Variants in EYS observed in about 807,000 individuals in gnomAD.
EYS encodes protein eyes shut homolog.
A neutral mutation model predicts 282.1 loss-of-function variants in EYS; 250 were observed. That is an observed-to-expected ratio of 0.89 (90% CI 0.80 to 0.98). EYS has a LOEUF of 0.98. EYS is among the 50% of genes least tolerant of loss of function. The pLI, the probability that EYS is intolerant of heterozygous loss-of-function variation, is 0.00. For synonymous variants in EYS, 1,355 were observed against 1,282.9 expected, an observed-to-expected ratio of 1.06 and a Z score of -1.20; for missense variants, 4,016 against 3,709.0, an observed-to-expected ratio of 1.08 and a Z score of -2.15.
At chr6:64,167,905 A>G (rs771491972) in intron 31 of EYS, among the ~76,000 whole-genome samples, 1 of 152,130 alleles carries the variant, frequency 6.6e-6, no homozygotes, top group Non-Finnish European at 1.5e-5. Flanking sequence ...ATCATTTGTC[A>G]TTAGAAAAAA....
intron 26 of EYS, among the ~76,000 whole-genome samples, chr6:64,455,693 G>A (rs970208473): frequency 6.6e-6 from 1 of 152,110 alleles, no homozygotes; most frequent in Non-Finnish European, 1.5e-5. Context: ...TTATGAGTGA[G>A]AACATGTGGT....
intron 19 of EYS, among the ~76,000 whole-genome samples, chr6:64,856,941 C>A (rs1192923471): frequency 6.6e-6 from 1 of 152,036 alleles, no homozygotes; most frequent in African/African-American, 2.4e-5. Context: ...ATCTATAATT[C>A]TTTATGAGTT....
intron 12 of EYS, among the ~76,000 whole-genome samples, chr6:65,068,412 T>A: frequency 6.6e-6 from 1 of 152,076 alleles, no homozygotes; most frequent in Non-Finnish European, 1.5e-5. Context: ...TTGTTGCCCA[T>A]TCTCAATTTC....
chr6:64,561,962 A>AACAAAACT (rs1330788212), intron 26 of EYS, among the ~76,000 whole-genome samples: 2 of 151,650 alleles, frequency 1.3e-5, no homozygotes, highest in African/African-American at 2.4e-5. Flanking sequence ...AAGCAAAAAG[A>AACAAAACT]ACAAAACTGG....
intron 13 of EYS, among the ~76,000 whole-genome samples, chr6:65,018,431 T>G (rs1484419808): frequency 6.6e-6 from 1 of 152,216 alleles, no homozygotes; most frequent in Admixed American, 6.5e-5. Context: ...AATATTTGTC[T>G]GTGTCTAAGT....
chr6:64,472,019 T>C (rs1016604659), intron 26 of EYS, among the ~76,000 whole-genome samples: 3 of 152,208 alleles, frequency 2.0e-5, no homozygotes, highest in Non-Finnish European at 4.4e-5. Context: ...AATACTTTCA[T>C]TTGATCATTA....
chr6:64,356,951 A>C (rs1249178641), intron 29 of EYS, among the ~76,000 whole-genome samples: 1 of 151,574 alleles, frequency 6.6e-6, no homozygotes, highest in Non-Finnish European at 1.5e-5. Context: ...TTCTAAATCC[A>C]AGCCCTAAAG....
At chr6:65,556,751 T>C (rs1768823252) in intron 2 of EYS, among the ~76,000 whole-genome samples, 1 of 152,180 alleles carries the variant, frequency 6.6e-6, no homozygotes, top group Non-Finnish European at 1.5e-5. Context: ...CAGGTGTACC[T>C]TGACTTAATT....
At position 65,317,882 on chromosome 6, in the gene EYS, C is replaced by A. The variant is rs180764676; in HGVS notation, c.1766+17098G>T. 2.5e-3 allele frequency among the ~76,000 whole-genome samples: 196 copies of A among 77,866 alleles called. 3 individuals carry two copies. Among genetic ancestry groups the A allele is most frequent in the Admixed American group, 8.0e-3 (69 of 8,580 alleles). 51.1% of individuals were successfully genotyped at this position (77,866 alleles called of 152,430 possible). ...TCTTTCTTTCTTTCTTTCTTTCTTT[C>A]TTTCAGACAGAGTCTCCCTCTGTTG... On this transcript the variant is annotated intron_variant, in intron 11 of 42. Coordinates refer to ENST00000503581, the MANE Select transcript of EYS (RefSeq NM_001142800.2).
At chr6:64,216,794 G>T (rs752489433) in intron 31 of EYS, among the ~76,000 whole-genome samples, 3 of 152,166 alleles carry the variant, frequency 2.0e-5, no homozygotes, top group African/African-American at 7.2e-5. Flanking sequence ...TGGCTGAACA[G>T]AACCCAAGAG....
chr6:64,080,689 G>C (rs1236791193), intron 32 of EYS, among the ~76,000 whole-genome samples: 1 of 151,824 alleles, frequency 6.6e-6, no homozygotes, highest in African/African-American at 2.4e-5. Context: ...TATGGTTTTA[G>C]GTCTAACATT....
chr6:63,988,015 T>TC (rs894505782), intron 34 of EYS, among the ~76,000 whole-genome samples: 20 of 151,636 alleles, frequency 1.3e-4, no homozygotes, highest in African/African-American at 4.8e-4. Context: ...TAATTTTTTT[T>TC]CCTGAGTATT....
chr6:63,727,599 G>A (rs1437176375), intron 41 of EYS, among the ~76,000 whole-genome samples: 1 of 146,810 alleles, frequency 6.8e-6, no homozygotes, highest in Non-Finnish European at 1.5e-5. Context: ...GGCTGGGCAC[G>A]GTGGCTCACT....
At chr6:65,148,115 T>C (rs1019379227) in intron 12 of EYS, among the ~76,000 whole-genome samples, 4 of 152,086 alleles carry the variant, frequency 2.6e-5, no homozygotes, top group African/African-American at 2.4e-5. Context: ...CCAAATCTCA[T>C]GTTCTCACAT....
intron 8 of EYS, among the ~76,000 whole-genome samples, chr6:65,375,189 C>T (rs550578049): frequency 2.6e-5 from 4 of 152,286 alleles, no homozygotes; most frequent in East Asian, 1.9e-4. Context: ...GAGGAGGGAA[C>T]AGGCAGCAAT....
intron 31 of EYS, among the ~76,000 whole-genome samples, chr6:64,143,472 A>T (rs115429652): frequency 1.3e-5 from 2 of 151,930 alleles, no homozygotes; most frequent in Non-Finnish European, 2.9e-5. Context: ...TATATTTTGC[A>T]TTCAATTTTT....
At chr6:64,387,510 AG>A (rs1191836176) in intron 29 of EYS, among the ~76,000 whole-genome samples, 1 of 152,152 alleles carries the variant, frequency 6.6e-6, no homozygotes, top group Non-Finnish European at 1.5e-5. Flanking sequence ...AATTTATGAA[AG>A]GTTTTATTTA....
chr6:64,996,144 C>T (rs1771255288), intron 14 of EYS, among the ~76,000 whole-genome samples: 2 of 152,058 alleles, frequency 1.3e-5, no homozygotes, highest in Non-Finnish European at 2.9e-5. Context: ...CCATAAGGAT[C>T]AAATATATTA....
intron 18 of EYS, among the ~76,000 whole-genome samples, chr6:64,890,133 A>C (rs1250675054): frequency 6.6e-6 from 1 of 150,752 alleles, no homozygotes; most frequent in Non-Finnish European, 1.5e-5. Context: ...TCCCAGGCTT[A>C]TTAGGAAGAG....
Sources: allele counts gnomAD v4.1 joint callset (sites outside exome capture counted in the v4.1 genomes callset), GRCh38; gene constraint gnomAD v4.1.1; transcripts MANE v1.5; gene names NCBI Gene and HGNC (gene_info 2026-07-23, HGNC 2026-07-21).